SPATS2L: variants seen among roughly 807,000 people sequenced by gnomAD.
SPATS2L encodes SPATS2-like protein.
Under a neutral mutation model 59.6 loss-of-function variants are expected in SPATS2L, and 30 were observed. The observed-to-expected ratio is 0.50, with a 90% CI of 0.38 to 0.68. SPATS2L has a LOEUF of 0.68. Ranked by LOEUF, SPATS2L falls within the 30% of genes least tolerant of loss-of-function variation. The probability of loss-of-function intolerance (pLI) is 0.00; values close to 1 mark genes in which losing one functional copy is unlikely to be tolerated. For missense variants in SPATS2L, 615 were observed against 700.0 expected, an observed-to-expected ratio of 0.88 and a Z score of 1.37; for synonymous variants, 252 against 263.5, an observed-to-expected ratio of 0.96 and a Z score of 0.42.
intron 2 of SPATS2L, among the ~76,000 whole-genome samples, chr2:200,376,960 C>G (rs557532939): frequency 6.6e-6 from 1 of 152,328 alleles, no homozygotes; most frequent in Admixed American, 6.5e-5. Context: ...CCGTTACTGG[C>G]TGGATGCATG....
chr2:200,308,707 A>G (rs896916507), intron 1 of SPATS2L, among the ~76,000 whole-genome samples: 9 of 152,238 alleles, frequency 5.9e-5, no homozygotes, highest in African/African-American at 1.7e-4. Context: ...ACTTGAATGC[A>G]GAGAATAGCT....
intron 12 of SPATS2L, 109 bp downstream of exon 12, chr2:200,473,161 G>A: frequency 9.1e-7 from 1 of 1,103,558 alleles, no homozygotes; most frequent in Non-Finnish European, 1.3e-6. Context: ...TCACACTCAG[G>A]CTCCCGCCAC....
chr2:200,376,893 G>C (rs969095473), intron 2 of SPATS2L, among the ~76,000 whole-genome samples: 1 of 152,106 alleles, frequency 6.6e-6, no homozygotes, highest in African/African-American at 2.4e-5. Flanking sequence ...GAAAAGGGAC[G>C]GGTGTAGCCA....
At chr2:200,441,981 C>G (rs777877666) in intron 8 of SPATS2L, among the ~76,000 whole-genome samples, 24 of 152,110 alleles carry the variant, frequency 1.6e-4, no homozygotes, top group Admixed American at 3.3e-4. Context: ...TGCTATGTAT[C>G]ATATAAGATC....
In SPATS2L at chr2:200,467,345, C is replaced by T. The variant is rs1194023098; in HGVS notation, c.903C>T (p.Asp301=). 2 of 1,614,052 alleles carry T rather than the reference C, an allele frequency of 1.2e-6. No individual in the cohort carries two copies. Among genetic ancestry groups the T allele is most frequent in the Admixed American group, 1.7e-5 (1 of 60,030 alleles). ...KKAEELKRLT[D]LASQMAEMQL... Reference sequence around the variant, plus strand: ...CAGAAGAACTAAAGAGACTCACTGACCTTGCCAGTCAGATGGCAGAGATGC... The same window carrying T: ...CAGAAGAACTAAAGAGACTCACTGATCTTGCCAGTCAGATGGCAGAGATGC... The change falls in exon 10 of 13, where the codon GAC becomes GAT. Residue 301 remains aspartate, a synonymous_variant. Transcript: ENST00000409140.
intron 3 of SPATS2L, among the ~76,000 whole-genome samples, chr2:200,398,367 A>G (rs535231522): frequency 6.6e-6 from 1 of 152,350 alleles, no homozygotes; most frequent in East Asian, 1.9e-4. Flanking sequence ...ATTGAAAAGA[A>G]TAAATTAAAA....
chr2:200,349,350 C>T (rs1010555538), intron 2 of SPATS2L, among the ~76,000 whole-genome samples: 15 of 152,114 alleles, frequency 9.9e-5, no homozygotes, highest in East Asian at 3.9e-4. Flanking sequence ...GTCAAAGACA[C>T]GTAGGCCGGG....
intron 2 of SPATS2L, among the ~76,000 whole-genome samples, chr2:200,344,307 G>T (rs778175362): frequency 6.6e-5 from 10 of 152,094 alleles, no homozygotes; most frequent in Non-Finnish European, 2.9e-5. Context: ...ACTTATAAGT[G>T]AGAACACACA....
At chr2:200,342,572 T>G (rs2080367993) in intron 2 of SPATS2L, among the ~76,000 whole-genome samples, 1 of 152,252 alleles carries the variant, frequency 6.6e-6, no homozygotes, top group Non-Finnish European at 1.5e-5. Context: ...GTTGGGGAGC[T>G]GAGCTCTTAC....
rs2086320757 is a variant in SPATS2L at position 200,462,691 on chromosome 2, A to G, written c.847+2864A>G. ...AGACCTTTTGGAAGACCAAGGCAGG[A>G]GGATTGCTTGAGGCCAAGAGTTCGA... On this transcript the variant is annotated intron_variant, in intron 9 of 12. Coordinates refer to ENST00000409140, the MANE Select transcript of SPATS2L (RefSeq NM_001100423.2). Among the ~76,000 whole-genome samples, 3 of 152,160 alleles carry G rather than the reference A, an allele frequency of 2.0e-5. No individual in the cohort carries two copies. The South Asian group carries it at 6.2e-4, about 32-fold the overall frequency.
intron 2 of SPATS2L, among the ~76,000 whole-genome samples, chr2:200,348,744 G>A (rs1228727427): frequency 6.6e-6 from 1 of 152,146 alleles, no homozygotes; most frequent in Non-Finnish European, 1.5e-5. Context: ...ATGAGAAAAG[G>A]CCTGGAAAGC....
chr2:200,398,428 A>G (rs1251315704), intron 3 of SPATS2L, among the ~76,000 whole-genome samples: 12 of 152,268 alleles, frequency 7.9e-5, no homozygotes, highest in Admixed American at 7.8e-4. Flanking sequence ...TGCAAACTCT[A>G]GAATTTCCCA....
chr2:200,446,060 C>T (rs1199942630), intron 8 of SPATS2L, among the ~76,000 whole-genome samples: 2 of 152,156 alleles, frequency 1.3e-5, no homozygotes, highest in Non-Finnish European at 2.9e-5. Flanking sequence ...AACAACAGGC[C>T]AGGCACAGTG....
chr2:200,416,202 A>C (rs1184161051), intron 4 of SPATS2L, among the ~76,000 whole-genome samples, 177 bp from the exon 5 acceptor site: 1 of 151,974 alleles, frequency 6.6e-6, no homozygotes, highest in Non-Finnish European at 1.5e-5. Context: ...GAATTAAATG[A>C]AAATCTGGGA....
intron 2 of SPATS2L, among the ~76,000 whole-genome samples, chr2:200,368,378 G>A (rs1354138329): frequency 6.6e-6 from 1 of 152,150 alleles, no homozygotes; most frequent in Non-Finnish European, 1.5e-5. Context: ...AGAGTGATGA[G>A]AGACTTAAGC....
chr2:200,434,573 A>G (rs1233316150), intron 6 of SPATS2L, among the ~76,000 whole-genome samples: 1 of 152,124 alleles, frequency 6.6e-6, no homozygotes, highest in Non-Finnish European at 1.5e-5. Context: ...TATTCCTGAC[A>G]TTTTGGAATT....
intron 2 of SPATS2L, among the ~76,000 whole-genome samples, chr2:200,385,089 T>C (rs925275551): frequency 6.6e-6 from 1 of 152,196 alleles, no homozygotes; most frequent in East Asian, 1.9e-4. Context: ...GTACCTTTCT[T>C]ATAGATTTAA....
chr2:200,334,724 T>C (rs1424888417), intron 2 of SPATS2L, among the ~76,000 whole-genome samples: 1 of 152,124 alleles, frequency 6.6e-6, no homozygotes, highest in Non-Finnish European at 1.5e-5. Flanking sequence ...TTCAGCTTTC[T>C]ACATATGGCT....
chr2:200,456,794 C>A (rs2085863004), intron 8 of SPATS2L, among the ~76,000 whole-genome samples: 1 of 152,256 alleles, frequency 6.6e-6, no homozygotes, highest in East Asian at 1.9e-4. Flanking sequence ...AGCAGTATTT[C>A]CCTTAGTGTG....
Sources: allele counts gnomAD v4.1 joint callset (sites outside exome capture counted in the v4.1 genomes callset), GRCh38; gene constraint gnomAD v4.1.1; transcripts MANE v1.5; gene names NCBI Gene and HGNC (gene_info 2026-07-23, HGNC 2026-07-21).